ZC3H4: variants seen among roughly 807,000 people sequenced by gnomAD.
ZC3H4 encodes zinc finger CCCH-type containing 4, also known as zinc finger CCCH domain-containing protein 4.
ZC3H4 carries 13 observed loss-of-function variants against 108.3 expected under a neutral mutation model. That is an observed-to-expected ratio of 0.12 (90% CI 0.08 to 0.19). The LOEUF is 0.19. Among genes scored for constraint, ZC3H4 ranks in the 10% least tolerant of loss-of-function variants. The pLI, the probability that ZC3H4 is intolerant of heterozygous loss-of-function variation, is 1.00. For synonymous variants in ZC3H4, 917 were observed against 749.6 expected, an observed-to-expected ratio of 1.22 and a Z score of -3.65; for missense variants, 1,734 against 1,838.8, an observed-to-expected ratio of 0.94 and a Z score of 1.04.
chr19:47,107,874 G>A (rs999709146), intron 2 of ZC3H4, among the ~76,000 whole-genome samples: 1 of 152,142 alleles, frequency 6.6e-6, no homozygotes, highest in African/African-American at 2.4e-5. Flanking sequence ...AAAAGCAAAA[G>A]CGTTCTGCAG....
intron 2 of ZC3H4, among the ~76,000 whole-genome samples, chr19:47,109,752 GA>G (rs2058014034): frequency 6.6e-6 from 1 of 152,008 alleles, no homozygotes; most frequent in Admixed American, 6.6e-5. Context: ...TTGTAAGAAG[GA>G]AAAAAACAAA....
At chr19:47,113,015 G>A (rs537485302) in intron 1 of ZC3H4, among the ~76,000 whole-genome samples, 1 of 152,340 alleles carries the variant, frequency 6.6e-6, no homozygotes, top group South Asian at 2.1e-4. Flanking sequence ...TTGAGGGAGA[G>A]AGGGAACGGG....
At chr19:47,068,960 G>A (rs1227850602) in intron 14 of ZC3H4, 132 bp downstream of exon 14, 2 of 1,522,038 alleles carry the variant, frequency 1.3e-6, no homozygotes, top group East Asian at 4.5e-5. Flanking sequence ...CGGCTTCATG[G>A]CCCTGGACAG....
In ZC3H4 at chr19:47,066,203, TAAA is replaced by T; in HGVS notation, c.*150_*152del. 1 of 583,508 alleles carries T rather than the reference TAAA, an allele frequency of 1.7e-6. No individual in the cohort carries two copies. The highest frequency in any genetic ancestry group is 2.8e-6 in the Non-Finnish European group (1 of 362,098). The allele number at this position is 583,508 out of a possible 1,614,324, so 36.1% of individuals were successfully genotyped here. A position where few individuals can be genotyped will look rare whatever the true frequency, so the allele number is the denominator to read the frequency against. ...ACAAATCTCAAAGAAAGTACTACTTTAAAAAAAAATAAAAGAGACGGAAAGCAA... is the reference window on the plus strand; with the variant it reads ...ACAAATCTCAAAGAAAGTACTACTTTAAAAAATAAAAGAGACGGAAAGCAA... On this transcript the variant is annotated 3_prime_UTR_variant, in exon 15 of 15. Transcript: ENST00000253048.
At position 47,082,397 on chromosome 19, in the gene ZC3H4, G is replaced by A. The variant is rs559795783; in HGVS notation, c.1219-102C>T. The A allele has an allele frequency of 9.4e-5, 82 of 873,392 alleles. No individual in the cohort carries two copies. The African/African-American group carries it at 9.6e-4, about 10-fold the overall frequency. The allele number at this position is 873,392 out of a possible 1,614,324, so 54.1% of individuals were successfully genotyped here. ...TACTGTCACTGCTGGTGCATGGAGG[G>A]GCCAATGACAGAAACGAATCCCCCT... On this transcript the variant is annotated intron_variant, in intron 9 of 14. Coordinates refer to ENST00000253048, the MANE Select transcript of ZC3H4 (RefSeq NM_015168.2).
In ZC3H4 at chr19:47,112,506, G is replaced by C; in HGVS notation, c.79C>G (p.Pro27Ala). 9.0e-7 allele frequency: 1 copy of C among 1,107,158 alleles called. No homozygotes were observed. The highest frequency in any genetic ancestry group is 1.2e-6 in the Non-Finnish European group (1 of 865,262). The allele number at this position is 1,107,158 out of a possible 1,614,324, so 68.6% of individuals were successfully genotyped here. A position where few individuals can be genotyped will look rare whatever the true frequency, so the allele number is the denominator to read the frequency against. ...TCGGGGGAACACGGAGGAGGCGAAG[G>C]CGTTGATGGCGGCGGCGGCGATGGC... The part of the protein sequence containing the change: ...PPPSPPPPST[P>A]SPPPCSPDAR... Residue 27 changes from proline (P) to alanine (A), a missense_variant, in exon 2 of 15, where the codon CCT (proline) becomes GCT (alanine). Around this residue, in one of 9 missense-constraint regions of ZC3H4, gnomAD observed 112 missense variants for 73.3 expected, o/e 1.53. Transcript: ENST00000253048.
intron 9 of ZC3H4, among the ~76,000 whole-genome samples, chr19:47,082,496 TAG>T (rs893304324): frequency 6.6e-6 from 1 of 152,294 alleles, no homozygotes; most frequent in South Asian, 2.1e-4. Context: ...TATTTTTTTG[TAG>T]AGACAGGTCT....
intron 14 of ZC3H4, 117 bp downstream of exon 14, chr19:47,068,975 C>A: frequency 6.5e-7 from 1 of 1,546,908 alleles, no homozygotes; most frequent in East Asian, 2.2e-5. Context: ...GGACAGGGGT[C>A]CTCCCTAGCC....
chr19:47,084,357 C>A lies in ZC3H4; in HGVS notation c.1206G>T (p.Gly402=), dbSNP rs2057577440. 1.9e-6 allele frequency: 3 copies of A among 1,614,228 alleles called. No homozygotes were observed. Among genetic ancestry groups the A allele is most frequent in the Non-Finnish European group, 8.5e-7 (1 of 1,180,046 alleles). ...GKVICKYFVE[G]RCTWGDHCNF... ...CAGCGCTCCTTACCCAGGTGCAGCG[C>A]CCTTCCACGAAGTACTTGCAAATGA... The change falls in exon 9 of 15, where the codon GGG becomes GGT. Residue 402 remains glycine (G), a synonymous_variant. Transcript: ENST00000253048.
At chr19:47,081,456 T>C in intron 11 of ZC3H4, 57 bp downstream of exon 11, 1 of 1,363,274 alleles carries the variant, frequency 7.3e-7, no homozygotes, top group Non-Finnish European at 1.0e-6. Flanking sequence ...ACTGAGGCAA[T>C]GGAGTGCGCA....
intron 4 of ZC3H4, among the ~76,000 whole-genome samples, chr19:47,091,626 G>A (rs909622532): frequency 2.0e-5 from 3 of 147,458 alleles, no homozygotes; most frequent in South Asian, 4.3e-4. Flanking sequence ...GGTAGCTCAC[G>A]CCTGTAATCC....
intron 13 of ZC3H4, among the ~76,000 whole-genome samples, chr19:47,071,423 C>G (rs748059273): frequency 6.6e-6 from 1 of 152,192 alleles, no homozygotes; most frequent in Non-Finnish European, 1.5e-5. Flanking sequence ...AAGCCGAGAA[C>G]TGCCCGGAAA....
At chr19:47,112,176 A>T in intron 2 of ZC3H4, 1 of 1,167,798 alleles carries the variant, frequency 8.6e-7, no homozygotes, top group African/African-American at 1.6e-5. Flanking sequence ...CCCAAAAAAG[A>T]CAGAGCGAGA....
At chr19:47,075,458 C>T (rs971666401) in intron 11 of ZC3H4, among the ~76,000 whole-genome samples, 1 of 152,158 alleles carries the variant, frequency 6.6e-6, no homozygotes, top group Non-Finnish European at 1.5e-5. Context: ...CCCTCCTCCT[C>T]CTCCTCTTCA....
At chr19:47,084,670 T>C (rs2057584429) in intron 8 of ZC3H4, among the ~76,000 whole-genome samples, 1 of 152,168 alleles carries the variant, frequency 6.6e-6, no homozygotes, top group Non-Finnish European at 1.5e-5. Flanking sequence ...GCTCTAGCCT[T>C]TAGAGCTGTT....
chr19:47,098,938 G>A (rs749377934), intron 2 of ZC3H4, among the ~76,000 whole-genome samples: 1 of 152,176 alleles, frequency 6.6e-6, no homozygotes, highest in African/African-American at 2.4e-5. Flanking sequence ...CTCTTAGTCT[G>A]TAACCTGAGC....
chr19:47,072,126 A>G lies in ZC3H4; in HGVS notation c.1803-5T>C. 6.6e-7 allele frequency: 1 copy of G among 1,521,976 alleles called. No homozygotes were observed. Among genetic ancestry groups the G allele is most frequent in the Non-Finnish European group, 8.8e-7 (1 of 1,138,124 alleles). The allele number at this position is 1,521,976 out of a possible 1,614,324, so 94.3% of individuals were successfully genotyped here. On this transcript the variant is annotated splice_region_variant and splice_polypyrimidine_tract_variant and intron_variant, in intron 12 of 14. Transcript: ENST00000253048. The surrounding 1 kb of genome is among the most constrained non-coding windows in gnomAD (Gnocchi z 5.6). Reference sequence around the variant, plus strand: ...GGTCCACCGGGTCCAGGGAACCTAGAAGAGGGAAAAGGTGCCTGTGACGGA... The same window carrying G: ...GGTCCACCGGGTCCAGGGAACCTAGGAGAGGGAAAAGGTGCCTGTGACGGA...
At chr19:47,105,946 G>A (rs1447202176) in intron 2 of ZC3H4, among the ~76,000 whole-genome samples, 1 of 152,158 alleles carries the variant, frequency 6.6e-6, no homozygotes, top group African/African-American at 2.4e-5. Flanking sequence ...TAGAGATGGG[G>A]TCTGAGTACC....
At chr19:47,101,240 C>T (rs1447899581) in intron 2 of ZC3H4, among the ~76,000 whole-genome samples, 1 of 151,826 alleles carries the variant, frequency 6.6e-6, no homozygotes, top group Admixed American at 6.6e-5. Context: ...GAGGCTAAGG[C>T]GAGAGGATCG....
Sources: gnomAD v4.1 joint callset for allele counts (sites outside exome capture counted in the v4.1 genomes callset) on GRCh38, gnomAD v4.1.1 for gene constraint, gnomAD v4.1.1 regional missense constraint, Gnocchi (gnomAD v3.1) non-coding constraint, MANE v1.5 for transcripts, NCBI Gene and HGNC (gene_info 2026-07-23, HGNC 2026-07-21) for gene names.